Variants in NGB observed in about 807,000 individuals in gnomAD.
NGB encodes nitrite reductase.
In NGB, 12 loss-of-function variants were observed where a neutral mutation model predicts 17.3. The observed-to-expected ratio is 0.69, with a 90% confidence interval of 0.45 to 1.13. The LOEUF (loss-of-function observed/expected upper bound fraction) is 1.13, where lower values mean the gene tolerates loss of function less well. Ranked by LOEUF, NGB falls within the 50% of genes most tolerant of loss-of-function variation. The pLI is 0.00. For missense variants in NGB, 195 were observed against 191.7 expected (o/e 1.02, Z -0.10); for synonymous variants, 87 against 81.0 (o/e 1.07, Z -0.40).
chr14:77,267,946 A>C lies in NGB; in HGVS notation c.321+520T>G, dbSNP rs536723795. Among the ~76,000 whole-genome samples, 4 of 152,338 alleles carry C rather than the reference A, an allele frequency of 2.6e-5. No individual in the cohort carries two copies. The East Asian group carries it at 7.7e-4, about 29-fold the overall frequency. On this transcript the variant is annotated intron_variant, in intron 3 of 3. Coordinates refer to ENST00000298352, the MANE Select transcript of NGB (RefSeq NM_021257.4). ...ACTTTCACACTGGGGCTTGTCCTCT[A>C]AAAACTCCCCCTTGGAACTCAGCTG...
intron 2 of NGB, 136 bp from the exon 3 acceptor site, chr14:77,268,721 G>A: frequency 8.2e-7 from 1 of 1,212,504 alleles, no homozygotes; most frequent in East Asian, 2.3e-5. Context: ...AGGGGTCAAA[G>A]GCAGCCTGTG....
intron 1 of NGB, 69 bp downstream of exon 1, chr14:77,270,780 C>T: frequency 7.4e-7 from 1 of 1,355,862 alleles, no homozygotes; most frequent in Non-Finnish European, 1.0e-6. Flanking sequence ...GGGGCCGGTC[C>T]TGCCGCGTGA....
At position 77,268,329 on chromosome 14, in the gene NGB, TAAC is replaced by T. The variant is rs373014987; in HGVS notation, c.321+134_321+136del. 602 of 863,026 alleles carry T rather than the reference TAAC, an allele frequency of 7.0e-4. 10 individuals are homozygous for T. The South Asian group carries it at 9.5e-3, about 14-fold the overall frequency. 53.5% of individuals were successfully genotyped at this position (863,026 alleles called of 1,614,324 possible). A position where few individuals can be genotyped will look rare whatever the true frequency, so the allele number is the denominator to read the frequency against. ...GCCCATGTCAGGGCCACACAGCAGG[TAAC>T]AGATGCAGGCCCGCAGCCCTGGTTA... On this transcript the variant is annotated intron_variant, in intron 3 of 3. Transcript: ENST00000298352.
At position 77,271,014 on chromosome 14, in the gene NGB, C is replaced by A. The variant is rs1889769897; in HGVS notation, c.-77G>T. 1 of 1,107,350 alleles carries A rather than the reference C, an allele frequency of 9.0e-7. No individual in the cohort carries two copies. Among genetic ancestry groups the A allele is most frequent in the Non-Finnish European group, 1.2e-6 (1 of 806,048 alleles). 68.6% of individuals were successfully genotyped at this position (1,107,350 alleles called of 1,614,324 possible). A position where few individuals can be genotyped will look rare whatever the true frequency, so the allele number is the denominator to read the frequency against. ...CGTCACCGCACGTGCCGCGCCATCTCCTCCGCGACGCGGTCCCCTCCGCCC... is the reference window on the plus strand; with the variant it reads ...CGTCACCGCACGTGCCGCGCCATCTACTCCGCGACGCGGTCCCCTCCGCCC... On this transcript the variant is annotated 5_prime_UTR_variant, in exon 1 of 4. Transcript: ENST00000298352.
At chr14:77,268,629 C>T (rs1286026819) in intron 2 of NGB, 44 bp from the exon 3 acceptor site, 1 of 1,609,942 alleles carries the variant, frequency 6.2e-7, no homozygotes, top group African/African-American at 1.3e-5. Context: ...GCCAGAGCAG[C>T]CCCATCTGCT....
intron 2 of NGB, among the ~76,000 whole-genome samples, 190 bp from the exon 3 acceptor site, chr14:77,268,775 C>T (rs1446239578): frequency 1.3e-5 from 2 of 152,238 alleles, no homozygotes; most frequent in Non-Finnish European, 2.9e-5. Context: ...GGCCAAACTA[C>T]TAATGTTATA....
In NGB at chr14:77,266,555, C is replaced by G; in HGVS notation, c.437G>C (p.Arg146Pro). ...CGCCTCTTACTCGCCATCCCAGCCT[C>G]GACTCATGGCCTGCACTACGGCCCC... ...LYGAVVQAMS[R>P]GWDGE The change falls in exon 4 of 4, where the codon CGA becomes CCA. Residue 146 changes from arginine to proline, a missense_variant. Coordinates refer to ENST00000298352, the MANE Select transcript of NGB (RefSeq NM_021257.4). 1.2e-6 allele frequency: 2 copies of G among 1,613,598 alleles called. No individual in the cohort carries two copies. Among genetic ancestry groups the G allele is most frequent in the Non-Finnish European group, 1.7e-6 (2 of 1,179,776 alleles).
chr14:77,269,302 C>G lies in NGB; in HGVS notation c.114G>C (p.Leu38=), dbSNP rs1469279986. 2.6e-6 allele frequency: 4 copies of G among 1,551,244 alleles called. 1 individual carries two copies. The African/African-American group carries it at 4.1e-5, about 16-fold the overall frequency. ...GGCAGTTGTACTGGAAGAGGGGCAG[C>G]AGGTCAGGCTCCAGGGCAAACAGCC... The part of the protein sequence containing the change: ...FARLFALEPD[L]LPLFQYNCRQ... Residue 38 remains leucine, a synonymous_variant, in exon 2 of 4, where the codon CTG becomes CTC. Coordinates refer to ENST00000298352, the MANE Select transcript of NGB (RefSeq NM_021257.4).
At position 77,269,070 on chromosome 14, in the gene NGB, C is replaced by T; in HGVS notation, c.201+145G>A. The stretch of plus-strand genomic sequence containing the variant: ...TTCTGATGTCCCAGACCAATCCAGC[C>T]CAGAGGGAAAGGAGCTGTACCCTGC... On this transcript the variant is annotated intron_variant, in intron 2 of 3. Transcript: ENST00000298352. 5.1e-6 allele frequency: 3 copies of T among 590,540 alleles called. No individual in the cohort carries two copies. The South Asian group carries it at 5.8e-5, about 11-fold the overall frequency. 36.6% of individuals were successfully genotyped at this position (590,540 alleles called of 1,614,324 possible).
intron 1 of NGB, among the ~76,000 whole-genome samples, 172 bp from the exon 2 acceptor site, chr14:77,269,498 C>G (rs1432954298): frequency 6.6e-6 from 1 of 152,138 alleles, no homozygotes; most frequent in Non-Finnish European, 1.5e-5. Flanking sequence ...TAGTGCCCTC[C>G]TCCTCATGCC....
chr14:77,269,357 G>T (rs1388947587), intron 1 of NGB, 31 bp from the exon 2 acceptor site: 2 of 1,460,710 alleles, frequency 1.4e-6, no homozygotes, highest in South Asian at 1.2e-5. Context: ...TGTTAGCCCT[G>T]GGGTGTGAGC....
chr14:77,270,764 T>C (rs1362090776), intron 1 of NGB, 85 bp downstream of exon 1: 3 of 1,247,684 alleles, frequency 2.4e-6, no homozygotes, highest in East Asian at 5.4e-5. Context: ...CAGTTTTCCC[T>C]CCTTCGGGGC....
chr14:77,267,445 G>T (rs1248769181), intron 3 of NGB, among the ~76,000 whole-genome samples: 1 of 152,132 alleles, frequency 6.6e-6, no homozygotes, highest in African/African-American at 2.4e-5. Context: ...GGAGGCTGAG[G>T]TGGGAGGATC....
intron 1 of NGB, among the ~76,000 whole-genome samples, chr14:77,269,717 T>TCCCCCCGCCCCCCCC (rs1889733357): frequency 4.3e-4 from 1 of 2,328 alleles, no homozygotes; most frequent in African/African-American, 1.5e-3. Context: ...TCTCTCTCTC[T>TCCCCCCGCCCCCCCC]CTCTCTCTCT....
In NGB at chr14:77,266,449, CA is replaced by C. The variant is rs1436287060; in HGVS notation, c.*86del. ...GGCCAAGGGGACAAGGACCAAGATGCAGGGAAGCTTGGGGAGCCTGGGCTAC... is the reference window on the plus strand; with the variant it reads ...GGCCAAGGGGACAAGGACCAAGATGCGGGAAGCTTGGGGAGCCTGGGCTAC... On this transcript the variant is annotated 3_prime_UTR_variant, in exon 4 of 4. Transcript: ENST00000298352. 4.3e-4 allele frequency: 665 copies of C among 1,550,502 alleles called. 5 individuals carry two copies. The highest frequency in any genetic ancestry group is 6.2e-5 in the Non-Finnish European group (70 of 1,137,470).
At position 77,270,999 on chromosome 14, in the gene NGB, C is replaced by T; in HGVS notation, c.-62G>A. The T allele has an allele frequency of 1.6e-6, 2 of 1,265,578 alleles. No individual in the cohort carries two copies. Among genetic ancestry groups the T allele is most frequent in the Non-Finnish European group, 2.1e-6 (2 of 939,448 alleles). 78.4% of individuals were successfully genotyped at this position (1,265,578 alleles called of 1,614,324 possible). On this transcript the variant is annotated 5_prime_UTR_variant, in exon 1 of 4. The change creates a new upstream start codon in the 5' untranslated region. Transcript: ENST00000298352. Reference sequence around the variant, plus strand: ...TCAGGGCTCGGGTGCCGTCACCGCACGTGCCGCGCCATCTCCTCCGCGACG... The same window carrying T: ...TCAGGGCTCGGGTGCCGTCACCGCATGTGCCGCGCCATCTCCTCCGCGACG...
Position 77,266,087 on chromosome 14 carries a change from G to A in NGB, c.*449C>T. 1 of 387,568 alleles carries A rather than the reference G, an allele frequency of 2.6e-6. No individual in the cohort carries two copies. Among genetic ancestry groups the A allele is most frequent in the Admixed American group, 2.9e-5 (1 of 34,148 alleles). The allele number at this position is 387,568 out of a possible 1,614,324, so 24.0% of individuals were successfully genotyped here. Reference sequence around the variant, plus strand: ...GTGAAAAGCAAGCCATCTTGGGGCAGGAAAGCAGTGAAGGGACTGGGCAGG... The same window carrying A: ...GTGAAAAGCAAGCCATCTTGGGGCAAGAAAGCAGTGAAGGGACTGGGCAGG... On this transcript the variant is annotated 3_prime_UTR_variant, in exon 4 of 4. Coordinates refer to ENST00000298352, the MANE Select transcript of NGB (RefSeq NM_021257.4).
In NGB at chr14:77,266,202, C is replaced by T. The variant is rs774244213; in HGVS notation, c.*334G>A. 19 of 574,122 alleles carry T rather than the reference C, an allele frequency of 3.3e-5. No individual in the cohort carries two copies. Among genetic ancestry groups the T allele is most frequent in the Non-Finnish European group, 6.3e-5 (18 of 287,590 alleles). 35.6% of individuals were successfully genotyped at this position (574,122 alleles called of 1,614,324 possible). A position where few individuals can be genotyped will look rare whatever the true frequency, so the allele number is the denominator to read the frequency against. On this transcript the variant is annotated 3_prime_UTR_variant, in exon 4 of 4. Transcript: ENST00000298352. ...AGCAGGACAGACAGAAGAGCCCCAT[C>T]CTCTCCCACCTCCATACCTTTCCAG...
Position 77,268,503 on chromosome 14 carries a change from T to C in NGB, c.284A>G (p.Lys95Arg), listed in dbSNP as rs758890728. ...GAGCTTCACACCCACTGCCCGGTGC[T>C]TCCTGCCCAGGCTGGCAAGGTACTC... ...LEEYLASLGR[K>R]HRAVGVKLSS... Residue 95 changes from lysine to arginine, a missense_variant, in exon 3 of 4, where the codon AAG (lysine) becomes AGG (arginine). Physicochemically the swap from Lys to Arg is conservative, Grantham distance 26. Coordinates refer to ENST00000298352, the MANE Select transcript of NGB (RefSeq NM_021257.4). 5.6e-6 allele frequency: 9 copies of C among 1,612,660 alleles called. No homozygotes were observed. Among genetic ancestry groups the C allele is most frequent in the Non-Finnish European group, 7.6e-6 (9 of 1,179,860 alleles).
Sources: gnomAD v4.1 joint callset for allele counts (sites outside exome capture counted in the v4.1 genomes callset) on GRCh38, gnomAD v4.1.1 for gene constraint, MANE v1.5 for transcripts, NCBI Gene and HGNC (gene_info 2026-07-23, HGNC 2026-07-21) for gene names.